FUT8: variants seen among roughly 807,000 people sequenced by gnomAD.
The protein encoded by FUT8 is fucosyltransferase 8.
FUT8 carries 29 observed loss-of-function variants against 71.3 expected under a neutral mutation model. The ratio of observed to expected loss-of-function variants is 0.41; its 90% CI spans 0.30 to 0.55. The LOEUF (loss-of-function observed/expected upper bound fraction) is 0.55, where lower values mean the gene tolerates loss of function less well. FUT8 is among the 20% of genes least tolerant of loss of function. The pLI is 0.34. For synonymous variants in FUT8, 254 were observed against 239.3 expected (o/e 1.06, Z -0.57); for missense variants, 544 against 702.1 (o/e 0.77, Z 2.55).
At chr14:65,684,562 T>G (rs1893184474) in intron 7 of FUT8, among the ~76,000 whole-genome samples, 1 of 152,242 alleles carries the variant, frequency 6.6e-6, no homozygotes, top group African/African-American at 2.4e-5. Flanking sequence ...ACTAGCATTT[T>G]AAAGCTATTG....
At chr14:65,482,081 G>A (rs937805903) in intron 2 of FUT8, among the ~76,000 whole-genome samples, 2 of 151,990 alleles carry the variant, frequency 1.3e-5, no homozygotes, top group African/African-American at 4.8e-5. Flanking sequence ...CTAATCCAAG[G>A]GCATAGAAGT....
In FUT8 at chr14:65,731,847, C is replaced by A. The variant is rs78155025; in HGVS notation, c.1260-1384C>A. On this transcript the variant is annotated intron_variant, in intron 9 of 10. Transcript: ENST00000673929. ...AGAGGGCTCTTTTAGTTAGGAAGGC[C>A]ATTAATGTTAGTGTTACTTCTTGGT... Among the ~76,000 whole-genome samples, 643 of 152,166 alleles carry A rather than the reference C, an allele frequency of 4.2e-3. 3 individuals carry two copies. Among genetic ancestry groups the A allele is most frequent in the African/African-American group, 0.015 (617 of 41,514 alleles).
intron 7 of FUT8, among the ~76,000 whole-genome samples, chr14:65,721,540 A>G (rs1448636025): frequency 1.3e-5 from 2 of 152,256 alleles, no homozygotes; most frequent in Non-Finnish European, 2.9e-5. Flanking sequence ...ATGTTATGAT[A>G]GAAACTTTTA....
chr14:65,716,934 G>A (rs1204779260), intron 7 of FUT8, among the ~76,000 whole-genome samples: 1 of 145,924 alleles, frequency 6.9e-6, no homozygotes, highest in African/African-American at 2.6e-5. Context: ...GGGCGGCCGG[G>A]CAGAGGCACT....
chr14:65,452,727 A>G (rs1018950085), intron 1 of FUT8, among the ~76,000 whole-genome samples: 4 of 152,220 alleles, frequency 2.6e-5, no homozygotes, highest in African/African-American at 9.6e-5. Flanking sequence ...AGGGAATAAT[A>G]TAATAATTAG....
chr14:65,365,513 G>C, the FUT8 span, among the ~76,000 whole-genome samples: 1 of 152,116 alleles, frequency 6.6e-6, no homozygotes, highest in Non-Finnish European at 1.5e-5. Flanking sequence ...CACAGGATGA[G>C]ATAGGAGGTC....
intron 10 of FUT8, among the ~76,000 whole-genome samples, chr14:65,740,679 G>A (rs1435928282): frequency 6.6e-6 from 1 of 151,910 alleles, no homozygotes; most frequent in African/African-American, 2.4e-5. Context: ...AGAATTGGGA[G>A]GTGCCACATA....
chr14:65,460,636 A>G (rs994517924), intron 2 of FUT8, among the ~76,000 whole-genome samples: 1 of 152,190 alleles, frequency 6.6e-6, no homozygotes, highest in African/African-American at 2.4e-5. Context: ...CTTACCAGCT[A>G]CACTACTAAC....
chr14:65,584,053 G>T (rs945418660), intron 3 of FUT8, among the ~76,000 whole-genome samples: 3 of 151,812 alleles, frequency 2.0e-5, no homozygotes, highest in African/African-American at 7.3e-5. Flanking sequence ...CTAATTTTTT[G>T]TATTTTTAGT....
chr14:65,551,854 G>A (rs1041115451), intron 2 of FUT8, among the ~76,000 whole-genome samples: 1 of 152,066 alleles, frequency 6.6e-6, no homozygotes, highest in East Asian at 1.9e-4. Context: ...TAGAGACTTC[G>A]TTCTACTTCT....
intron 2 of FUT8, among the ~76,000 whole-genome samples, chr14:65,497,494 C>T (rs566042159): frequency 6.6e-4 from 100 of 152,142 alleles, no homozygotes; most frequent in Middle Eastern, 6.8e-3. Flanking sequence ...TTTGAATCAT[C>T]TTTTTAATTT....
chr14:65,541,017 G>A (rs1231680753), intron 2 of FUT8, among the ~76,000 whole-genome samples: 1 of 150,458 alleles, frequency 6.6e-6, no homozygotes, highest in African/African-American at 2.4e-5. Context: ...TTTTTCATAT[G>A]ATTCTTTGTT....
At chr14:65,650,609 T>A (rs1256221188) in intron 6 of FUT8, among the ~76,000 whole-genome samples, 1 of 150,744 alleles carries the variant, frequency 6.6e-6, no homozygotes, top group Non-Finnish European at 1.5e-5. Flanking sequence ...CAGTCACCTT[T>A]CACCAGGCCC....
At chr14:65,642,184 A>G (rs1488808806) in intron 6 of FUT8, among the ~76,000 whole-genome samples, 1 of 152,182 alleles carries the variant, frequency 6.6e-6, no homozygotes, top group Non-Finnish European at 1.5e-5. Context: ...TCTAAGATCC[A>G]TTTTGAGGAA....
chr14:65,680,143 G>C (rs922606023), intron 7 of FUT8, among the ~76,000 whole-genome samples: 1 of 152,194 alleles, frequency 6.6e-6, no homozygotes, highest in African/African-American at 2.4e-5. Context: ...TCTGCCATCT[G>C]CAAGCTGGAG....
At chr14:65,391,185 A>T in the FUT8 span, among the ~76,000 whole-genome samples, 1 of 152,134 alleles carries the variant, frequency 6.6e-6, no homozygotes, top group Non-Finnish European at 1.5e-5. Context: ...AACCCCCCAT[A>T]TTTCTGGCTT....
chr14:65,704,619 A>G (rs927308568), intron 7 of FUT8, among the ~76,000 whole-genome samples: 1 of 152,230 alleles, frequency 6.6e-6, no homozygotes, highest in Non-Finnish European at 1.5e-5. Flanking sequence ...GAATCATCAA[A>G]GAGACTGTTG....
At chr14:65,503,268 T>C (rs944805155) in intron 2 of FUT8, among the ~76,000 whole-genome samples, 3 of 152,190 alleles carry the variant, frequency 2.0e-5, no homozygotes, top group African/African-American at 7.2e-5. Flanking sequence ...TAAGGGAAAC[T>C]GAGTAATGGA....
chr14:65,383,924 T>G, the FUT8 span, among the ~76,000 whole-genome samples: 1 of 150,598 alleles, frequency 6.6e-6, no homozygotes, highest in South Asian at 2.1e-4. Context: ...CATAGCTCAG[T>G]GCAAGTTGGA....
Sources: gnomAD v4.1 joint callset for allele counts (sites outside exome capture counted in the v4.1 genomes callset) on GRCh38, gnomAD v4.1.1 for gene constraint, MANE v1.5 for transcripts, NCBI Gene and HGNC (gene_info 2026-07-23, HGNC 2026-07-21) for gene names.